Variants in ATXN1 observed in about 807,000 individuals in gnomAD.
ATXN1 encodes the protein ataxin-1.
ATXN1 carries 8 observed loss-of-function variants against 56.4 expected under a neutral mutation model. That is an observed-to-expected ratio of 0.14 (90% CI 0.08 to 0.26). ATXN1 has a LOEUF of 0.26. Ranked by LOEUF, ATXN1 falls within the 10% of genes least tolerant of loss-of-function variation. ATXN1 has a pLI of 1.00. For missense variants in ATXN1, 987 were observed against 1,106.5 expected (o/e 0.89, Z 1.53); for synonymous variants, 514 against 494.6 (o/e 1.04, Z -0.52).
chr6:16,674,900 T>C (rs1758628046), intron 2 of ATXN1, among the ~76,000 whole-genome samples: 1 of 152,176 alleles, frequency 6.6e-6, no homozygotes, highest in South Asian at 2.1e-4. Context: ...AGAACATGAC[T>C]TAAACAAACA....
chr6:16,569,506 G>A (rs1167837005), intron 4 of ATXN1, among the ~76,000 whole-genome samples: 2 of 137,036 alleles, frequency 1.5e-5, no homozygotes, highest in African/African-American at 2.6e-5. Flanking sequence ...CAGCCTGGGC[G>A]ACAGAGTGAG....
chr6:16,758,367 T>C (rs1760950983), intron 1 of ATXN1, among the ~76,000 whole-genome samples: 1 of 152,344 alleles, frequency 6.6e-6, no homozygotes, highest in East Asian at 1.9e-4. Context: ...GAAAGGTTTC[T>C]AACAAGTACC....
intron 4 of ATXN1, among the ~76,000 whole-genome samples, chr6:16,576,649 T>G (rs1762426711): frequency 6.6e-6 from 1 of 152,224 alleles, no homozygotes; most frequent in Non-Finnish European, 1.5e-5. Flanking sequence ...CATATCACCT[T>G]TTCTAATTAA....
chr6:16,500,323 A>G (rs978621742), intron 5 of ATXN1, among the ~76,000 whole-genome samples: 8 of 152,210 alleles, frequency 5.3e-5, no homozygotes, highest in Non-Finnish European at 1.2e-4. Context: ...TGGAAGTGGC[A>G]GAAAATTGAT....
chr6:16,329,501 T>C (rs1194469832), intron 6 of ATXN1, among the ~76,000 whole-genome samples: 1 of 152,184 alleles, frequency 6.6e-6, no homozygotes, highest in Non-Finnish European at 1.5e-5. Context: ...CAGCCACTCA[T>C]ATGATGACGG....
intron 7 of ATXN1, among the ~76,000 whole-genome samples, chr6:16,320,450 T>C (rs748476040): frequency 7.9e-5 from 12 of 151,900 alleles, no homozygotes; most frequent in Non-Finnish European, 1.5e-4. Flanking sequence ...GAGCCTGGCA[T>C]TTAGGAAAGA....
chr6:16,761,076 A>ACACACACACACG (rs1761083364), intron 1 of ATXN1: 1 of 356,524 alleles, frequency 2.8e-6, no homozygotes, highest in Non-Finnish European at 5.5e-6. Context: ...ACACACACAC[A>ACACACACACACG]CACACACACA....
At chr6:16,530,542 C>T (rs749340840) in intron 4 of ATXN1, among the ~76,000 whole-genome samples, 3 of 152,134 alleles carry the variant, frequency 2.0e-5, no homozygotes, top group Non-Finnish European at 2.9e-5. Context: ...CTTATTTGGA[C>T]TGTACAAAAC....
chr6:16,572,557 G>T (rs1326778088), intron 4 of ATXN1, among the ~76,000 whole-genome samples: 1 of 152,102 alleles, frequency 6.6e-6, no homozygotes, highest in Non-Finnish European at 1.5e-5. Flanking sequence ...AAAAAATATG[G>T]TTATTCTTGA....
intron 6 of ATXN1, among the ~76,000 whole-genome samples, chr6:16,360,251 C>T (rs1407362065): frequency 1.3e-5 from 2 of 152,126 alleles, no homozygotes; most frequent in Non-Finnish European, 2.9e-5. Context: ...TTAATGCCCA[C>T]TGGATTAAAC....
chr6:16,553,934 C>T (rs1761965548), intron 4 of ATXN1, among the ~76,000 whole-genome samples: 1 of 152,116 alleles, frequency 6.6e-6, no homozygotes, highest in African/African-American at 2.4e-5. Context: ...ATAGGCAAAG[C>T]CTAAAGCATT....
chr6:16,315,020 G>A (rs1239481717), intron 7 of ATXN1, among the ~76,000 whole-genome samples: 2 of 152,174 alleles, frequency 1.3e-5, no homozygotes, highest in African/African-American at 4.8e-5. Context: ...CCTTAGAAGA[G>A]TATCTATTGG....
At chr6:16,405,149 C>T (rs533803025) in intron 6 of ATXN1, among the ~76,000 whole-genome samples, 1 of 152,184 alleles carries the variant, frequency 6.6e-6, no homozygotes, top group African/African-American at 2.4e-5. Context: ...CATCAGTGCT[C>T]CTCAGCACAC....
intron 2 of ATXN1, chr6:16,752,970 C>A: frequency 3.5e-6 from 1 of 283,814 alleles, no homozygotes. Context: ...GGTTCAAGCC[C>A]CAATTGGCAA....
intron 6 of ATXN1, among the ~76,000 whole-genome samples, chr6:16,333,168 A>C (rs535433772): frequency 3.1e-4 from 47 of 152,354 alleles, no homozygotes; most frequent in Non-Finnish European, 6.2e-4. Context: ...ATCTAAACCT[A>C]ATACGGCTGC....
Position 16,326,875 on chromosome 6 carries a change from G to A in ATXN1, c.1436C>T (p.Pro479Leu). ...QQAITYAGSL[P>L]QHLVIPGTQP... ...TGTGCCGGGGATCACCAGGTGCTGG[G>A]GCAGGCTGCCGGCGTAGGTGATTGC... Residue 479 changes from proline (P) to leucine (L), a missense_variant, in exon 7 of 8, where the codon CCC (proline) becomes CTC (leucine). By Grantham distance (98) the Pro-to-Leu change is moderately conservative. This residue lies in a region of ATXN1 where 723 missense variants were observed against 791.7 expected (regional missense o/e 0.91). Coordinates refer to ENST00000436367, the MANE Select transcript of ATXN1 (RefSeq NM_001128164.2). This position sits in a 1 kb window ranked among gnomAD's most constrained non-coding sequence, Gnocchi z 6.6. The A allele has an allele frequency of 6.2e-7, 1 of 1,611,018 alleles. No homozygotes were observed. The highest frequency in any genetic ancestry group is 1.3e-5 in the African/African-American group (1 of 75,022).
chr6:16,383,853 G>C (rs750897936), intron 6 of ATXN1, among the ~76,000 whole-genome samples: 2 of 152,190 alleles, frequency 1.3e-5, no homozygotes, highest in Admixed American at 6.5e-5. Flanking sequence ...CCAGCTACAG[G>C]ATACTTCACT....
intron 2 of ATXN1, among the ~76,000 whole-genome samples, chr6:16,730,156 G>A (rs539962761): frequency 5.3e-5 from 8 of 152,230 alleles, no homozygotes; most frequent in Middle Eastern, 3.4e-3. Context: ...GGTGGTGCAC[G>A]CCTGTACAGC....
chr6:16,412,792 G>A (rs1758825883), intron 6 of ATXN1, among the ~76,000 whole-genome samples: 2 of 152,288 alleles, frequency 1.3e-5, no homozygotes, highest in South Asian at 4.1e-4. Context: ...TCCCCACAAA[G>A]TAGTAGATTT....
Sources: allele counts gnomAD v4.1 joint callset (sites outside exome capture counted in the v4.1 genomes callset), GRCh38; gene constraint gnomAD v4.1.1; regional missense constraint gnomAD v4.1.1; non-coding constraint Gnocchi (gnomAD v3.1); transcripts MANE v1.5; gene names NCBI Gene and HGNC (gene_info 2026-07-23, HGNC 2026-07-21).